The following SYTL4 variants were observed in gnomAD, a reference collection of about 807,000 sequenced individuals.
SYTL4 encodes synaptotagmin-like protein 4.
A neutral mutation model predicts 52.7 loss-of-function variants in SYTL4; 16 were observed. The observed-to-expected ratio is 0.30, with a 90% CI of 0.21 to 0.46. The LOEUF is 0.46. Ranked by LOEUF, SYTL4 falls within the 20% of genes least tolerant of loss-of-function variation. The probability of loss-of-function intolerance (pLI) is 1.00; values close to 1 mark genes in which losing one functional copy is unlikely to be tolerated. For missense variants in SYTL4, 423 were observed against 519.9 expected, an observed-to-expected ratio of 0.81 and a Z score of 1.81; for synonymous variants, 160 against 186.6, an observed-to-expected ratio of 0.86 and a Z score of 1.16.
chrX:100,682,313 T>C (rs1252440203), intron 16 of SYTL4, among the ~76,000 whole-genome samples: 1 of 111,409 alleles, frequency 9.0e-6, no homozygotes, highest in Non-Finnish European at 1.9e-5. Context: ...ACTTTTAGTG[T>C]CCTTTTAATG....
At chrX:100,705,692 G>T (rs758019641) in intron 2 of SYTL4, among the ~76,000 whole-genome samples, 1 of 111,620 alleles carries the variant, frequency 9.0e-6, no homozygotes, top group East Asian at 2.8e-4. Context: ...AGAAAGGCAC[G>T]TTGGCATAAT....
In SYTL4 at chrX:100,675,543, A is replaced by C. The variant is rs1316702829; in HGVS notation, c.*485T>G. ...TTAAAAGCATAAATTGGAGAGGAGA[A>C]AGAGGAAGGAACTACTCACCTCTCC... On this transcript the variant is annotated 3_prime_UTR_variant, in exon 20 of 20. Transcript: ENST00000372989. 8.9e-6 allele frequency: 1 copy of C among 112,223 alleles called. No individual in the cohort carries two copies. The highest frequency in any genetic ancestry group is 1.9e-5 in the Non-Finnish European group (1 of 53,482). The allele number at this position is 112,223 out of a possible 1,213,427, so 9.2% of individuals were successfully genotyped here. A position where few individuals can be genotyped will look rare whatever the true frequency, so the allele number is the denominator to read the frequency against.
chrX:100,680,749 C>G (rs1431007298), intron 17 of SYTL4, among the ~76,000 whole-genome samples: 2 of 112,134 alleles, frequency 1.8e-5, no homozygotes, highest in Non-Finnish European at 3.8e-5. Flanking sequence ...TTCACCACTC[C>G]TATATCTGTG....
At chrX:100,707,223 AT>A (rs1476694449) in intron 2 of SYTL4, among the ~76,000 whole-genome samples, 7 of 112,251 alleles carry the variant, frequency 6.2e-5, no homozygotes, top group Admixed American at 3.8e-4. Flanking sequence ...AGTCTGCATA[AT>A]TTTTTTAAAA....
chrX:100,725,390 A>G (rs766327266), intron 2 of SYTL4, among the ~76,000 whole-genome samples: 3 of 112,250 alleles, frequency 2.7e-5, no homozygotes, highest in Non-Finnish European at 5.6e-5. Flanking sequence ...GCCAATACAC[A>G]TCAAAAAGAA....
chrX:100,686,318 T>C (rs2083472893), intron 15 of SYTL4, 167 bp from the exon 16 acceptor site: 1 of 475,822 alleles, frequency 2.1e-6, no homozygotes, highest in African/African-American at 2.4e-5. Flanking sequence ...TCAACTTAAC[T>C]CATTTTATAA....
At chrX:100,690,208 A>T in intron 10 of SYTL4, 43 bp from the exon 11 acceptor site, 1 of 1,004,336 alleles carries the variant, frequency 1.0e-6, no homozygotes, top group Non-Finnish European at 1.4e-6. Flanking sequence ...GAACAGATGG[A>T]TAGGTAGAAG....
intron 16 of SYTL4, 51 bp downstream of exon 16, chrX:100,685,939 C>G: frequency 8.9e-7 from 1 of 1,126,412 alleles, no homozygotes; most frequent in Non-Finnish European, 1.2e-6. Flanking sequence ...GAGGCTACTG[C>G]AGACAATTCT....
intron 2 of SYTL4, among the ~76,000 whole-genome samples, chrX:100,706,590 G>GA (rs2083961970): frequency 8.9e-6 from 1 of 112,121 alleles, no homozygotes; most frequent in Non-Finnish European, 1.9e-5. Context: ...GGTAAGTGCA[G>GA]AAAAAACTGA....
intron 2 of SYTL4, among the ~76,000 whole-genome samples, chrX:100,714,103 A>T (rs1416256716): frequency 9.0e-6 from 1 of 111,504 alleles, no homozygotes; most frequent in African/African-American, 3.3e-5. Context: ...TATACTTTAT[A>T]TATAATTTGT....
At chrX:100,723,485 A>G (rs892000398) in intron 2 of SYTL4, among the ~76,000 whole-genome samples, 15 of 111,835 alleles carry the variant, frequency 1.3e-4, no homozygotes, top group Non-Finnish European at 1.7e-4. Flanking sequence ...TCCACCTCCC[A>G]GCCGCCTCCC....
At chrX:100,718,058 C>A (rs1052028986) in intron 2 of SYTL4, among the ~76,000 whole-genome samples, 4 of 111,884 alleles carry the variant, frequency 3.6e-5, no homozygotes, top group Non-Finnish European at 7.5e-5. Context: ...AGAGCTCCTG[C>A]CTATGGCTTT....
chrX:100,723,821 TGG>T (rs2084410066), intron 2 of SYTL4, among the ~76,000 whole-genome samples: 1 of 106,519 alleles, frequency 9.4e-6, no homozygotes, highest in African/African-American at 3.5e-5. Flanking sequence ...CCACCCCGTC[TGG>T]GAAGTGAGGA....
At chrX:100,707,806 G>A (rs1039037769) in intron 2 of SYTL4, among the ~76,000 whole-genome samples, 3 of 111,553 alleles carry the variant, frequency 2.7e-5, no homozygotes, top group Non-Finnish European at 5.6e-5. Context: ...CACGGCTCAG[G>A]TAACATGAGT....
intron 16 of SYTL4, among the ~76,000 whole-genome samples, chrX:100,681,962 T>C (rs753392970): frequency 8.9e-5 from 10 of 112,506 alleles, no homozygotes; most frequent in Non-Finnish European, 1.7e-4. Flanking sequence ...CATTATCACT[T>C]ATGTTAGCCC....
Position 100,678,590 on chromosome X carries a change from A to G in SYTL4, c.1668T>C (p.Leu556=), listed in dbSNP as rs1309965276. 3.3e-6 allele frequency: 4 copies of G among 1,209,827 alleles called. No individual in the cohort carries two copies. The highest frequency in any genetic ancestry group is 4.5e-6 in the Non-Finnish European group (4 of 893,893). The change falls in exon 19 of 20, where the codon CTT becomes CTC. Residue 556 remains leucine (L), a synonymous_variant. Coordinates refer to ENST00000372989, the MANE Select transcript of SYTL4 (RefSeq NM_001370165.1). ...GTTTACTGGCCTTGTTCCTCATGGG[A>G]AGGAGGTATCTGGCAGAGGGCGGGG... ...TSDSFVKGYL[L]PMRNKASKRK... is the part of the protein sequence containing the mutation.
intron 2 of SYTL4, among the ~76,000 whole-genome samples, chrX:100,725,237 T>C (rs1406279862): frequency 9.0e-6 from 1 of 111,677 alleles, no homozygotes; most frequent in Non-Finnish European, 1.9e-5. Context: ...TATTTTAAGG[T>C]CACCAGGGCT....
chrX:100,731,926 C>A (rs2084656808), intron 1 of SYTL4, 78 bp downstream of exon 1: 1 of 110,576 alleles, frequency 9.0e-6, no homozygotes, highest in Non-Finnish European at 1.9e-5. Flanking sequence ...GGGGGCGCTT[C>A]AGCAGCGAAA....
chrX:100,678,675 C>T, intron 18 of SYTL4, 76 bp from the exon 19 acceptor site: 1 of 890,557 alleles, frequency 1.1e-6, no homozygotes, highest in South Asian at 2.2e-5. Context: ...TTTCCCCTAC[C>T]ACAGGCCTAG....
Sources: gnomAD v4.1 joint callset for allele counts (sites outside exome capture counted in the v4.1 genomes callset) on GRCh38, gnomAD v4.1.1 for gene constraint, MANE v1.5 for transcripts, NCBI Gene and HGNC (gene_info 2026-07-23, HGNC 2026-07-21) for gene names.